Variants in DHRS1 observed in about 807,000 individuals in gnomAD.
DHRS1 encodes dehydrogenase/reductase SDR family member 1.
In DHRS1, 34 loss-of-function variants were observed where a neutral mutation model predicts 35.2. That is an observed-to-expected ratio of 0.97 (90% confidence interval 0.74 to 1.29). The LOEUF is 1.29. Ranked by LOEUF, DHRS1 falls within the 50% of genes most tolerant of loss-of-function variation. DHRS1 has a pLI of 0.00. For synonymous variants in DHRS1, 133 were observed against 160.0 expected (o/e 0.83, Z 1.27); for missense variants, 354 against 403.6 (o/e 0.88, Z 1.05).
chr14:24,290,858 G>T lies in DHRS1; in HGVS notation c.*1C>A. ...AGAGACGTAGTGTCAGACCAGGAGG[G>T]TTAGAACTTGCTAGTGTAGAGGGCA... On this transcript the variant is annotated 3_prime_UTR_variant, in exon 9 of 9. Transcript: ENST00000288111. 1 of 1,613,778 alleles carries T rather than the reference G, an allele frequency of 6.2e-7. No homozygotes were observed. Among genetic ancestry groups the T allele is most frequent in the Non-Finnish European group, 8.5e-7 (1 of 1,179,940 alleles).
chr14:24,298,805 A>T, intron 2 of DHRS1, 152 bp downstream of exon 2: 1 of 1,015,200 alleles, frequency 9.9e-7, no homozygotes, highest in Non-Finnish European at 1.3e-6. Context: ...ACCTGAAGTT[A>T]TTTACGGGGT....
In DHRS1 at chr14:24,291,698, T is replaced by C. The variant is rs1479847695; in HGVS notation, c.655-73A>G. The C allele has an allele frequency of 4.1e-6, 6 of 1,480,578 alleles. No individual in the cohort carries two copies. In the African/African-American group the frequency reaches 8.3e-5, roughly 20 times the overall value. The allele number at this position is 1,480,578 out of a possible 1,614,324, so 91.7% of individuals were successfully genotyped here. A position where few individuals can be genotyped will look rare whatever the true frequency, so the allele number is the denominator to read the frequency against. On this transcript the variant is annotated intron_variant, in intron 6 of 8. Transcript: ENST00000288111. ...GCCCAGGTCTCCTCCCCATTTCAAC[T>C]TCTGTTCCAGGAGAAAAAGACCAAA...
At chr14:24,293,676 C>G (rs7146665) in intron 4 of DHRS1, 59,145 of 151,706 alleles carry the variant, frequency 0.39, 12,835 homozygotes, top group Middle Eastern at 0.57. Flanking sequence ...CTTTCCCTAC[C>G]CCTGCTGTCA....
intron 7 of DHRS1, 156 bp downstream of exon 7, chr14:24,291,400 C>A (rs1218573759): frequency 5.6e-6 from 6 of 1,065,510 alleles, no homozygotes; most frequent in Non-Finnish European, 8.7e-6. Context: ...GGCTCTCAGA[C>A]CTCAAACTGG....
chr14:24,296,530 T>A lies in DHRS1; in HGVS notation c.353A>T (p.Asp118Val), dbSNP rs371634027. The change falls in exon 4 of 9, where the codon GAT becomes GTT. Residue 118 changes from aspartate (D) to valine (V), a missense_variant. Physicochemically the swap from Asp to Val is radical, Grantham distance 152 (BLOSUM62 -3). Coordinates refer to ENST00000288111, the MANE Select transcript of DHRS1 (RefSeq NM_001136050.3). ...FWETPASMWD[D>V]INNVGLRGHY... ...CCACCTGAGTCCGACGTTGTTGATA[T>A]CATCCCACATGGAGGCAGGGGTTTC... The A allele has an allele frequency of 6.2e-7, 1 of 1,614,094 alleles. No homozygotes were observed. Among genetic ancestry groups the A allele is most frequent in the South Asian group, 1.1e-5 (1 of 91,086 alleles).
In DHRS1 at chr14:24,292,770, C is replaced by A. The variant is rs746707570; in HGVS notation, c.389G>T (p.Cys130Phe). 14 of 1,612,832 alleles carry A rather than the reference C, an allele frequency of 8.7e-6. No homozygotes were observed. The highest frequency in any genetic ancestry group is 3.3e-5 in the South Asian group (3 of 90,960). The change falls in exon 5 of 9, where the codon TGC (cysteine) becomes TTC (phenylalanine). Residue 130 changes from cysteine to phenylalanine, a missense_variant. Cys to Phe is a radical substitution (Grantham distance 205, BLOSUM62 -2). Transcript: ENST00000288111. Reference protein sequence around the residue: ...NNVGLRGHYFCSVYGARLMVP... With the variant: ...NNVGLRGHYFFSVYGARLMVP... ...CATCAGCCGTGCCCCATACACTGAGCAAAAGTAGTGGCCTCTAGAAGGTGG... is the reference window on the plus strand; with the variant it reads ...CATCAGCCGTGCCCCATACACTGAGAAAAAGTAGTGGCCTCTAGAAGGTGG...
rs543651044 is a variant in DHRS1 at position 24,299,664 on chromosome 14, G to C, written c.-108C>G. ...TTCTCGCCCAGATTGAGCCGGCGAC[G>C]TGGAGGCAGTGTTCAAGGATTGATT... On this transcript the variant is annotated 5_prime_UTR_variant, in exon 1 of 9. Coordinates refer to ENST00000288111, the MANE Select transcript of DHRS1 (RefSeq NM_001136050.3). 1 of 366,164 alleles carries C rather than the reference G, an allele frequency of 2.7e-6. No individual in the cohort carries two copies. The highest frequency in any genetic ancestry group is 4.2e-5 in the East Asian group (1 of 23,840). The allele number at this position is 366,164 out of a possible 1,614,324, so 22.7% of individuals were successfully genotyped here. A position where few individuals can be genotyped will look rare whatever the true frequency, so the allele number is the denominator to read the frequency against.
chr14:24,296,931 CA>C (rs1566405269), intron 2 of DHRS1, 50 bp from the exon 3 acceptor site: 2 of 1,609,142 alleles, frequency 1.2e-6, no homozygotes, highest in African/African-American at 2.7e-5. Context: ...GGGTGTGAGT[CA>C]TGACAAAACT....
In DHRS1 at chr14:24,292,461, C is replaced by T. The variant is rs554723756; in HGVS notation, c.508-131G>A. 491 of 1,473,038 alleles carry T rather than the reference C, an allele frequency of 3.3e-4. 1 individual carries two copies. Among genetic ancestry groups the T allele is most frequent in the Non-Finnish European group, 4.0e-4 (438 of 1,081,676 alleles). 91.2% of individuals were successfully genotyped at this position (1,473,038 alleles called of 1,614,324 possible). On this transcript the variant is annotated intron_variant, in intron 5 of 8. Coordinates refer to ENST00000288111, the MANE Select transcript of DHRS1 (RefSeq NM_001136050.3). ...GGAGCCCCAAGGTCTCAGCTGCCCA[C>T]GCTCCCCAGTGTGATGCCTACTCTA... is the stretch of plus-strand genomic sequence containing the variant.
At chr14:24,299,497 G>C (rs2041326189) in intron 1 of DHRS1, 84 bp downstream of exon 1, 1 of 213,976 alleles carries the variant, frequency 4.7e-6, no homozygotes, top group African/African-American at 2.3e-5. Context: ...GTCCGGCTGA[G>C]CCAGAGGCGC....
rs10134537 is a variant in DHRS1, at chr14:24,291,558, G to A, written c.722C>T (p.Thr241Ile). The change falls in exon 7 of 9, where the codon ACA becomes ATA. Residue 241 changes from threonine (T) to isoleucine (I), a missense_variant and splice_region_variant. Physicochemically the swap from Thr to Ile is moderately conservative, Grantham distance 89. Coordinates refer to ENST00000288111, the MANE Select transcript of DHRS1 (RefSeq NM_001136050.3). ...TACCAGCTGCCCCCAAACTTCACCT[G>A]TTGCCAAAGCCACCACACATTTGCC... ...LSGKCVVALA[T>I]DPNILSLSGK... The A allele has an allele frequency of 0.068, 110,225 of 1,613,984 alleles. 4,223 individuals carry two copies. The highest frequency in any genetic ancestry group is 0.13 in the African/African-American group (9,737 of 74,988).
chr14:24,296,681 C>G, intron 3 of DHRS1, 57 bp downstream of exon 3: 5 of 1,613,428 alleles, frequency 3.1e-6, no homozygotes, highest in Non-Finnish European at 4.2e-6. Context: ...GATGAAGATG[C>G]AGGGGTCTGA....
intron 7 of DHRS1, 163 bp downstream of exon 7, chr14:24,291,393 T>A: frequency 1.9e-6 from 2 of 1,040,164 alleles, no homozygotes; most frequent in Non-Finnish European, 3.0e-6. Context: ...CTCCTAAGGC[T>A]CTCAGACCTC....
At chr14:24,293,048 C>T in intron 4 of DHRS1, 4 of 439,048 alleles carry the variant, frequency 9.1e-6, no homozygotes, top group Non-Finnish European at 1.6e-5. Context: ...CAATTACAAA[C>T]AAAATTGTTC....
intron 1 of DHRS1, 135 bp from the exon 2 acceptor site, chr14:24,299,265 T>C: frequency 8.8e-6 from 7 of 793,686 alleles, no homozygotes; most frequent in Non-Finnish European, 1.2e-5. Flanking sequence ...GGGAGAGGAG[T>C]CAGAGGCTGA....
chr14:24,291,726 C>G, intron 6 of DHRS1, 101 bp from the exon 7 acceptor site: 1 of 1,214,472 alleles, frequency 8.2e-7, no homozygotes, highest in Non-Finnish European at 1.2e-6. Flanking sequence ...AGACCAAAGA[C>G]CAAAGAGGCC....
intron 4 of DHRS1, chr14:24,293,532 CCACTG>C (rs1475816369): frequency 2.6e-5 from 4 of 151,696 alleles, no homozygotes; most frequent in Non-Finnish European, 4.4e-5. Flanking sequence ...TGAGATTGTG[CCACTG>C]CACTCTAGCC....
intron 2 of DHRS1, among the ~76,000 whole-genome samples, chr14:24,297,391 C>T (rs1466692950): frequency 1.3e-5 from 2 of 152,178 alleles, no homozygotes; most frequent in African/African-American, 4.8e-5. Context: ...ACTTCCTGTT[C>T]TGTCTCACTC....
chr14:24,293,107 A>G, intron 4 of DHRS1: 1 of 281,008 alleles, frequency 3.6e-6, no homozygotes, highest in Non-Finnish European at 6.6e-6. Flanking sequence ...GAAAAACTAT[A>G]AAACCATGAC....
Sources: allele counts gnomAD v4.1 joint callset (sites outside exome capture counted in the v4.1 genomes callset), GRCh38; gene constraint gnomAD v4.1.1; transcripts MANE v1.5; gene names NCBI Gene and HGNC (gene_info 2026-07-23, HGNC 2026-07-21).